SATB2: variants seen among roughly 807,000 people sequenced by gnomAD.
SATB2 encodes DNA-binding protein SATB2.
A neutral mutation model predicts 73.4 loss-of-function variants in SATB2; 1 was observed. The observed-to-expected ratio is 0.01, with a 90% CI of 0.00 to 0.06. The LOEUF is 0.06. Among genes scored for constraint, SATB2 ranks in the 10% least tolerant of loss-of-function variants. The probability of loss-of-function intolerance (pLI) is 1.00; values close to 1 mark genes in which losing one functional copy is unlikely to be tolerated. For synonymous variants in SATB2, 397 were observed against 367.0 expected, an observed-to-expected ratio of 1.08 and a Z score of -0.93; for missense variants, 459 against 945.8, an observed-to-expected ratio of 0.49 and a Z score of 6.75.
rs142731191 is a variant in SATB2 at position 199,301,105 on chromosome 2, A to T, written c.1740+7655T>A. Among the ~76,000 whole-genome samples, 3 of 152,272 alleles carry T rather than the reference A, an allele frequency of 2.0e-5. No homozygotes were observed. The East Asian group carries it at 5.8e-4, about 29-fold the overall frequency. ...AGAATACTATAAAAATTTATGTTTAATATTTATCAGCTTCTACAGGAAAGT... is the reference window on the plus strand; with the variant it reads ...AGAATACTATAAAAATTTATGTTTATTATTTATCAGCTTCTACAGGAAAGT... On this transcript the variant is annotated intron_variant, in intron 10 of 10. Transcript: ENST00000417098.
intron 6 of SATB2, among the ~76,000 whole-genome samples, chr2:199,362,952 C>A (rs1366445352): frequency 6.6e-6 from 1 of 152,096 alleles, no homozygotes; most frequent in African/African-American, 2.4e-5. Flanking sequence ...AGAAATAGTA[C>A]AAATATGAGT....
intron 10 of SATB2, among the ~76,000 whole-genome samples, chr2:199,306,722 A>T (rs1687443663): frequency 6.6e-6 from 1 of 152,202 alleles, no homozygotes; most frequent in African/African-American, 2.4e-5. Flanking sequence ...ACAAAATATT[A>T]TGTTGAATAT....
At chr2:199,302,745 G>A (rs1051470686) in intron 10 of SATB2, among the ~76,000 whole-genome samples, 3 of 152,166 alleles carry the variant, frequency 2.0e-5, no homozygotes, top group African/African-American at 4.8e-5. Flanking sequence ...TTCCCTGGAA[G>A]ATGTCCTTCA....
At chr2:199,326,602 TAAGA>T (rs1030801195) in intron 8 of SATB2, among the ~76,000 whole-genome samples, 5 of 152,150 alleles carry the variant, frequency 3.3e-5, no homozygotes, top group African/African-American at 4.8e-5. Flanking sequence ...AGTAACTTTC[TAAGA>T]AGAGCTGCCT....
chr2:199,459,189 A>G (rs1692400266), upstream of SATB2, among the ~76,000 whole-genome samples: 1 of 151,920 alleles, frequency 6.6e-6, no homozygotes, highest in African/African-American at 2.4e-5. This position sits in a 1 kb window ranked among gnomAD's most constrained non-coding sequence, Gnocchi z 4.2. Context: ...AAGCTGCTCG[A>G]GCCCAGGGCT....
intron 7 of SATB2, among the ~76,000 whole-genome samples, chr2:199,330,567 A>C (rs1227119503): frequency 6.6e-6 from 1 of 152,184 alleles, no homozygotes; most frequent in African/African-American, 2.4e-5. Flanking sequence ...AACAATCCAG[A>C]TTTCTTGTCA....
chr2:199,378,060 G>A (rs1053397820), intron 5 of SATB2, among the ~76,000 whole-genome samples: 19 of 152,134 alleles, frequency 1.2e-4, no homozygotes, highest in African/African-American at 1.9e-4. Flanking sequence ...AGAGTTTAAC[G>A]AGGCCCTGAG....
chr2:199,292,327 A>G (rs1692892265), intron 10 of SATB2, among the ~76,000 whole-genome samples: 1 of 152,226 alleles, frequency 6.6e-6, no homozygotes, highest in Non-Finnish European at 1.5e-5. Context: ...TGCATGGGCT[A>G]AGTAGGTGCC....
chr2:199,362,155 G>A (rs1390362127), intron 6 of SATB2, among the ~76,000 whole-genome samples: 1 of 152,110 alleles, frequency 6.6e-6, no homozygotes, highest in Non-Finnish European at 1.5e-5. Context: ...TTATATTATA[G>A]TATCAGGATA....
intron 3 of SATB2, chr2:199,397,413 T>A (rs2105888108): frequency 6.6e-6 from 1 of 152,528 alleles, no homozygotes; most frequent in Admixed American, 6.5e-5. Flanking sequence ...TATGAGTGAA[T>A]CTGAAAAATA....
chr2:199,355,955 C>A (rs143695280), intron 6 of SATB2, among the ~76,000 whole-genome samples: 1 of 152,038 alleles, frequency 6.6e-6, no homozygotes, highest in East Asian at 1.9e-4. Context: ...AGTATTTTCA[C>A]GCTGTAAACC....
At chr2:199,361,194 G>A (rs551981575) in intron 6 of SATB2, among the ~76,000 whole-genome samples, 1 of 152,232 alleles carries the variant, frequency 6.6e-6, no homozygotes, top group East Asian at 1.9e-4. Context: ...CTACCTAGTT[G>A]TCAAAATTCT....
At chr2:199,320,431 C>A (rs1687854111) in intron 9 of SATB2, among the ~76,000 whole-genome samples, 1 of 152,140 alleles carries the variant, frequency 6.6e-6, no homozygotes, top group African/African-American at 2.4e-5. Flanking sequence ...GTCTTTCCCT[C>A]TGGTCTTATC....
At chr2:199,386,710 GCGCGCGCACACACA>G (rs1382352683) in intron 3 of SATB2, among the ~76,000 whole-genome samples, 4,084 of 90,344 alleles carry the variant, frequency 0.045, 79 homozygotes, top group African/African-American at 0.081. Flanking sequence ...GCGCGCGCGC[GCGCGCGCACACACA>G]CACACACACA....
At chr2:199,465,108 CTT>C (rs1271756843), upstream of SATB2, 2 of 152,236 alleles carry the variant, frequency 1.3e-5, no homozygotes, top group Non-Finnish European at 2.9e-5. Context: ...CTCTCTCTCT[CTT>C]TCTCATTCAG....
chr2:199,277,831 C>A (rs112417285), intron 10 of SATB2, among the ~76,000 whole-genome samples: 1 of 152,072 alleles, frequency 6.6e-6, no homozygotes. Context: ...GGCATTTTTA[C>A]CCCCACTTTA....
chr2:199,299,808 A>AT (rs1426574711), intron 10 of SATB2, among the ~76,000 whole-genome samples: 3 of 152,064 alleles, frequency 2.0e-5, no homozygotes, highest in African/African-American at 7.2e-5. Context: ...AAATTTAATC[A>AT]TTTTTTTCCA....
At chr2:199,298,033 G>T (rs1377599382) in intron 10 of SATB2, among the ~76,000 whole-genome samples, 1 of 152,086 alleles carries the variant, frequency 6.6e-6, no homozygotes, top group Admixed American at 6.6e-5. Flanking sequence ...TAGAGGCCAG[G>T]CATGCTCCCG....
chr2:199,407,286 C>T (rs62178607), intron 3 of SATB2, among the ~76,000 whole-genome samples: 2 of 120,116 alleles, frequency 1.7e-5, no homozygotes, highest in African/African-American at 6.9e-5. Context: ...ACTCTTGTCT[C>T]CCAAAAAAAA....
Sources: allele counts gnomAD v4.1 joint callset (sites outside exome capture counted in the v4.1 genomes callset), GRCh38; gene constraint gnomAD v4.1.1; non-coding constraint Gnocchi (gnomAD v3.1); transcripts MANE v1.5; gene names NCBI Gene and HGNC (gene_info 2026-07-23, HGNC 2026-07-21).